The following AUTS2 variants were observed in gnomAD, a reference collection of about 807,000 sequenced individuals.
AUTS2 encodes the protein activator of transcription and developmental regulator AUTS2.
Under a neutral mutation model 112.4 loss-of-function variants are expected in AUTS2, and 17 were observed. That is an observed-to-expected ratio of 0.15 (90% CI 0.10 to 0.23). AUTS2 has a LOEUF of 0.23. Among genes scored for constraint, AUTS2 ranks in the 10% least tolerant of loss-of-function variants. The probability of loss-of-function intolerance (pLI) is 1.00; values close to 1 mark genes in which losing one functional copy is unlikely to be tolerated. For synonymous variants in AUTS2, 751 were observed against 702.7 expected, an observed-to-expected ratio of 1.07 and a Z score of -1.09; for missense variants, 1,510 against 1,701.6, an observed-to-expected ratio of 0.89 and a Z score of 1.98.
intron 6 of AUTS2, among the ~76,000 whole-genome samples, chr7:70,708,917 CTTTTT>C (rs34290500): frequency 3.0e-5 from 4 of 134,632 alleles, no homozygotes. Context: ...TGTTTAAATA[CTTTTT>C]TTTTTTTTTT....
At chr7:69,797,717 A>G (rs1205885286) in intron 1 of AUTS2, among the ~76,000 whole-genome samples, 1 of 152,130 alleles carries the variant, frequency 6.6e-6, no homozygotes. Flanking sequence ...CTTTTCTAAC[A>G]CTATAAGGTT....
intron 4 of AUTS2, among the ~76,000 whole-genome samples, chr7:70,414,238 T>C (rs571823998): frequency 4.1e-4 from 62 of 152,344 alleles, no homozygotes; most frequent in Non-Finnish European, 7.5e-4. Context: ...GCTAAGTTCA[T>C]TGGCCCATCA....
At chr7:69,644,965 G>A (rs888746964) in intron 1 of AUTS2, among the ~76,000 whole-genome samples, 19 of 152,110 alleles carry the variant, frequency 1.2e-4, no homozygotes, top group African/African-American at 4.6e-4. Context: ...CTGGAGTGCA[G>A]TGGTGCTATT....
intron 1 of AUTS2, among the ~76,000 whole-genome samples, chr7:69,625,069 T>A (rs1793880229): frequency 1.3e-5 from 2 of 152,242 alleles, no homozygotes; most frequent in Admixed American, 6.5e-5. Flanking sequence ...GGCATGCCGT[T>A]GGGGCAGTGC....
intron 4 of AUTS2, among the ~76,000 whole-genome samples, chr7:70,434,272 A>C (rs1013677535): frequency 4.6e-5 from 7 of 152,324 alleles, no homozygotes; most frequent in African/African-American, 1.7e-4. Flanking sequence ...CTTTAGCCTC[A>C]AGAAAAATTG....
chr7:70,733,637 A>C (rs532109956), intron 6 of AUTS2, among the ~76,000 whole-genome samples: 1 of 149,012 alleles, frequency 6.7e-6, no homozygotes, highest in Non-Finnish European at 1.5e-5. Context: ...CCCAGGCTAG[A>C]GTACAGTGGG....
At chr7:70,345,069 G>A (rs768330500) in intron 4 of AUTS2, among the ~76,000 whole-genome samples, 35 of 152,300 alleles carry the variant, frequency 2.3e-4, no homozygotes, top group Admixed American at 3.9e-4. Flanking sequence ...GTATGCTGAC[G>A]TCTTCTGATC....
intron 2 of AUTS2, among the ~76,000 whole-genome samples, chr7:69,945,795 C>T (rs546413108): frequency 6.6e-6 from 1 of 152,076 alleles, no homozygotes; most frequent in Admixed American, 6.6e-5. Context: ...TTTCCCTTGT[C>T]CTTGCCCTTG....
At chr7:70,479,984 C>G (rs976935325) in intron 5 of AUTS2, among the ~76,000 whole-genome samples, 2 of 152,228 alleles carry the variant, frequency 1.3e-5, no homozygotes, top group African/African-American at 4.8e-5. Flanking sequence ...TAAACACAGA[C>G]TGTCCCCCCA....
intron 1 of AUTS2, among the ~76,000 whole-genome samples, chr7:69,704,866 T>G (rs907009967): frequency 2.0e-5 from 3 of 152,138 alleles, no homozygotes; most frequent in African/African-American, 7.2e-5. Context: ...TTGTATGTTT[T>G]CTTTCTTTTT....
intron 4 of AUTS2, among the ~76,000 whole-genome samples, chr7:70,303,151 T>C (rs1789301148): frequency 6.6e-6 from 1 of 151,974 alleles, no homozygotes; most frequent in Admixed American, 6.6e-5. Context: ...AAAAGGACCC[T>C]GTAACACTTG....
At chr7:70,068,648 G>T (rs750246626) in intron 2 of AUTS2, among the ~76,000 whole-genome samples, 11 of 152,090 alleles carry the variant, frequency 7.2e-5, no homozygotes, top group African/African-American at 2.4e-4. Context: ...CTGATACTTC[G>T]AGTGCAATTG....
chr7:70,102,840 CA>C lies in AUTS2; in HGVS notation c.523-15284del, dbSNP rs574518848. Among the ~76,000 whole-genome samples, 767 of 150,490 alleles carry C rather than the reference CA, an allele frequency of 5.1e-3. 14 individuals are homozygous for C. Among genetic ancestry groups the C allele is most frequent in the African/African-American group, 0.017 (715 of 41,074 alleles). ...AATTGCTTGTCTGGTCTAATATGAC[CA>C]AAAAAAACTGTTAGAGACTGCTTTA... On this transcript the variant is annotated intron_variant, in intron 2 of 18. Transcript: ENST00000342771.
chr7:70,361,390 A>G (rs1376082256), intron 4 of AUTS2, among the ~76,000 whole-genome samples: 2 of 151,858 alleles, frequency 1.3e-5, no homozygotes, highest in Non-Finnish European at 2.9e-5. Context: ...AGAGCAAAGT[A>G]TTTTGCTCGT....
chr7:70,289,503 A>C (rs1279045468), intron 4 of AUTS2, among the ~76,000 whole-genome samples: 1 of 152,198 alleles, frequency 6.6e-6, no homozygotes, highest in Non-Finnish European at 1.5e-5. Flanking sequence ...TAAGATTTAC[A>C]TCCCTCAGGC....
chr7:69,857,621 G>A (rs1468355665), intron 1 of AUTS2, among the ~76,000 whole-genome samples: 1 of 152,116 alleles, frequency 6.6e-6, no homozygotes, highest in East Asian at 1.9e-4. Context: ...TTATACAGAA[G>A]TTTACATAGC....
chr7:70,743,106 T>G (rs1788216688), intron 6 of AUTS2, among the ~76,000 whole-genome samples: 1 of 152,228 alleles, frequency 6.6e-6, no homozygotes, highest in African/African-American at 2.4e-5. Context: ...TTAGTCTGTT[T>G]AGTAAGGGAG....
chr7:69,604,380 A>G (rs1792598945), intron 1 of AUTS2, among the ~76,000 whole-genome samples: 2 of 152,370 alleles, frequency 1.3e-5, no homozygotes, highest in Admixed American at 6.5e-5. Context: ...GGCACTAAGA[A>G]TATAGAGAAA....
chr7:69,876,545 T>G (rs1260046066), intron 1 of AUTS2, among the ~76,000 whole-genome samples: 1 of 87,878 alleles, frequency 1.1e-5, no homozygotes, highest in African/African-American at 4.8e-5. Context: ...TATATATATA[T>G]TTTCAGTGTT....
Sources: allele counts gnomAD v4.1 joint callset (sites outside exome capture counted in the v4.1 genomes callset), GRCh38; gene constraint gnomAD v4.1.1; transcripts MANE v1.5; gene names NCBI Gene and HGNC (gene_info 2026-07-23, HGNC 2026-07-21).